Variants in FOXC1 observed in about 807,000 individuals in gnomAD.
The protein encoded by FOXC1 is forkhead box C1.
A neutral mutation model predicts 8.1 loss-of-function variants in FOXC1; 5 were observed. The observed-to-expected ratio is 0.62, with a 90% CI of 0.32 to 1.30. FOXC1 has a LOEUF of 1.30. Ranked by LOEUF, FOXC1 falls within the 50% of genes most tolerant of loss-of-function variation. FOXC1 has a pLI of 0.05. For synonymous variants in FOXC1, 552 were observed against 417.2 expected (o/e 1.32, Z -3.94); for missense variants, 942 against 858.0 (o/e 1.10, Z -1.22).
chr6:1,611,814 C>T lies in FOXC1; in HGVS notation c.1369C>T (p.Gln457Ter). ...CGGCGGCGGCGGCGGCGGGGGAGGC[C>T]AGGAGGCCGGCCACCACCCTGCGGC... The part of the protein sequence containing the change: ...GGGGGGGGGG[Q>*]EAGHHPAAHQ... Residue 457 changes from glutamine to a stop codon, truncating the protein, a stop_gained, in exon 1 of 1, where the codon CAG (glutamine) becomes TAG (stop). Coordinates refer to ENST00000645831, the MANE Select transcript of FOXC1 (RefSeq NM_001453.3). LOFTEE classifies it high-confidence loss of function. This position sits in a 1 kb window ranked among gnomAD's most constrained non-coding sequence, Gnocchi z 7.1. 1 of 1,489,428 alleles carries T rather than the reference C, an allele frequency of 6.7e-7. No homozygotes were observed. Among genetic ancestry groups the T allele is most frequent in the Non-Finnish European group, 8.9e-7 (1 of 1,124,178 alleles). The allele number at this position is 1,489,428 out of a possible 1,614,324, so 92.3% of individuals were successfully genotyped here. A position where few individuals can be genotyped will look rare whatever the true frequency, so the allele number is the denominator to read the frequency against.
Position 1,610,780 on chromosome 6 carries a change from T to A in FOXC1, c.335T>A (p.Phe112Tyr), listed in dbSNP as rs104893951. 26 of 1,613,666 alleles carry A rather than the reference T, an allele frequency of 1.6e-5. No homozygotes were observed. Among genetic ancestry groups the A allele is most frequent in the Non-Finnish European group, 2.1e-5 (25 of 1,179,950 alleles). The change falls in exon 1 of 1, where the codon TTC becomes TAC. Residue 112 changes from phenylalanine (F) to tyrosine (Y), a missense_variant. Transcript: ENST00000645831. ...NGIYQFIMDR[F>Y]PFYRDNKQGW... ...ATCTACCAGTTCATCATGGACCGCT[T>A]CCCCTTCTACCGGGACAACAAGCAG...
Position 1,610,491 on chromosome 6 carries a change from G to A in FOXC1, c.46G>A (p.Val16Met), listed in dbSNP as rs1453535353. 1.3e-6 allele frequency: 2 copies of A among 1,499,970 alleles called. No individual in the cohort carries two copies. Among genetic ancestry groups the A allele is most frequent in the Non-Finnish European group, 1.8e-6 (2 of 1,126,088 alleles). 92.9% of individuals were successfully genotyped at this position (1,499,970 alleles called of 1,614,324 possible). A position where few individuals can be genotyped will look rare whatever the true frequency, so the allele number is the denominator to read the frequency against. The change falls in exon 1 of 1, where the codon GTG becomes ATG. Residue 16 changes from valine to methionine, a missense_variant. By Grantham distance (21) the Val-to-Met change is conservative (BLOSUM62 1). Transcript: ENST00000645831. ...SVSSPNSLGV[V>M]PYLGGEQSYY... The stretch of plus-strand genomic sequence containing the variant: ...GTCCAGCCCCAACTCCCTGGGAGTG[G>A]TGCCCTACCTCGGCGGCGAGCAGAG...
chr6:1,611,894 C>T lies in FOXC1; in HGVS notation c.1449C>T (p.Gly483=), dbSNP rs1386645485. 3.2e-6 allele frequency: 5 copies of T among 1,539,276 alleles called. No individual in the cohort carries two copies. The African/African-American group carries it at 5.7e-5, about 18-fold the overall frequency. ...WYLNQAGGDL[G]HLASAAAAAA... ...TGAACCAGGCGGGCGGAGACCTGGG[C>T]CACTTGGCGAGCGCGGCGGCGGCGG... is the stretch of plus-strand genomic sequence containing the variant. Residue 483 remains glycine (G), a synonymous_variant, in exon 1 of 1, where the codon GGC becomes GGT. Transcript: ENST00000645831. The surrounding 1 kb of genome is among the most constrained non-coding windows in gnomAD (Gnocchi z 7.1).
chr6:1,611,335 C>T lies in FOXC1; in HGVS notation c.890C>T (p.Pro297Leu). 3.5e-6 allele frequency: 5 copies of T among 1,420,600 alleles called. No individual in the cohort carries two copies. The highest frequency in any genetic ancestry group is 1.4e-5 in the South Asian group (1 of 73,370). 88.0% of individuals were successfully genotyped at this position (1,420,600 alleles called of 1,614,324 possible). A position where few individuals can be genotyped will look rare whatever the true frequency, so the allele number is the denominator to read the frequency against. Residue 297 changes from proline to leucine, a missense_variant, in exon 1 of 1, where the codon CCC (proline) becomes CTC (leucine). By Grantham distance (98) the Pro-to-Leu change is moderately conservative. Transcript: ENST00000645831. The surrounding 1 kb of genome is among the most constrained non-coding windows in gnomAD (Gnocchi z 7.1). ...GATTCCGCGCCGCCGCCGCCCGCGC[C>T]CTCCGCCCCGCCGCCGCACCATAGC... ...GADSAPPPPA[P>L]SAPPPHHSQG...
At position 1,612,070 on chromosome 6, in the gene FOXC1, C is replaced by T. The variant is rs758671097; in HGVS notation, c.1625C>T (p.Thr542Met). 4 of 1,614,032 alleles carry T rather than the reference C, an allele frequency of 2.5e-6. No individual in the cohort carries two copies. The highest frequency in any genetic ancestry group is 2.2e-5 in the East Asian group (1 of 44,890). The change falls in exon 1 of 1, where the codon ACG becomes ATG. Residue 542 changes from threonine (T) to methionine (M), a missense_variant. Thr to Met is a moderately conservative substitution (Grantham distance 81). Coordinates refer to ENST00000645831, the MANE Select transcript of FOXC1 (RefSeq NM_001453.3). ...AFPSSQSLYR[T>M]SGAFVYDCSK... Reference sequence around the variant, plus strand: ...CCTTCCAGCCAGTCTCTGTACCGCACGTCCGGAGCTTTCGTCTACGACTGT... The same window carrying T: ...CCTTCCAGCCAGTCTCTGTACCGCATGTCCGGAGCTTTCGTCTACGACTGT...
Position 1,611,379 on chromosome 6 carries a change from A to G in FOXC1, c.934A>G (p.Asn312Asp), listed in dbSNP as rs1390518994. Residue 312 changes from asparagine to aspartate, a missense_variant, in exon 1 of 1, where the codon AAC (asparagine) becomes GAC (aspartate). By Grantham distance (23) the Asn-to-Asp change is conservative. This residue lies in a region of FOXC1 where 726 missense variants were observed against 599.6 expected (regional missense o/e 1.21). Transcript: ENST00000645831. The surrounding 1 kb of genome is among the most constrained non-coding windows in gnomAD (Gnocchi z 7.1). ...PHHSQGFSVD[N>D]IMTSLRGSPQ... ...CCATAGCCAGGGCTTCAGCGTGGAC[A>G]ACATCATGACGTCGCTGCGGGGGTC... is the stretch of plus-strand genomic sequence containing the variant. The G allele has an allele frequency of 1.4e-6, 2 of 1,448,756 alleles. No individual in the cohort carries two copies. 89.7% of individuals were successfully genotyped at this position (1,448,756 alleles called of 1,614,324 possible). A position where few individuals can be genotyped will look rare whatever the true frequency, so the allele number is the denominator to read the frequency against.
Position 1,611,420 on chromosome 6 carries a change from C to T in FOXC1, c.975C>T (p.Ala325=). The T allele has an allele frequency of 6.9e-7, 1 of 1,444,286 alleles. No individual in the cohort carries two copies. Among genetic ancestry groups the T allele is most frequent in the Non-Finnish European group, 9.1e-7 (1 of 1,100,264 alleles). The allele number at this position is 1,444,286 out of a possible 1,614,324, so 89.5% of individuals were successfully genotyped here. A position where few individuals can be genotyped will look rare whatever the true frequency, so the allele number is the denominator to read the frequency against. ...TGCGGGGGTCGCCGCAGAGCGCGGC[C>T]GCGGAGCTCAGCTCCGGCCTTCTGG... ...TSLRGSPQSA[A]AELSSGLLAS... The change falls in exon 1 of 1, where the codon GCC becomes GCT. Residue 325 remains alanine (A), a synonymous_variant. Transcript: ENST00000645831. This position sits in a 1 kb window ranked among gnomAD's most constrained non-coding sequence, Gnocchi z 7.1.
chr6:1,610,704 A>G lies in FOXC1; in HGVS notation c.259A>G (p.Ile87Val). Reference protein sequence around the residue: ...VKPPYSYIALITMAIQNAPDK... With the variant: ...VKPPYSYIALVTMAIQNAPDK... ...GCCGCCCTATAGCTACATCGCGCTC[A>G]TCACCATGGCCATCCAGAACGCCCC... Residue 87 changes from isoleucine to valine, a missense_variant, in exon 1 of 1, where the codon ATC (isoleucine) becomes GTC (valine). Transcript: ENST00000645831. 6.2e-7 allele frequency: 1 copy of G among 1,613,880 alleles called. No homozygotes were observed. Among genetic ancestry groups the G allele is most frequent in the Non-Finnish European group, 8.5e-7 (1 of 1,179,982 alleles).
chr6:1,610,526 C>G lies in FOXC1; in HGVS notation c.81C>G (p.Arg27=). 1 of 1,527,408 alleles carries G rather than the reference C, an allele frequency of 6.5e-7. No homozygotes were observed. The allele number at this position is 1,527,408 out of a possible 1,614,324, so 94.6% of individuals were successfully genotyped here. The change falls in exon 1 of 1, where the codon CGC becomes CGG. Residue 27 remains arginine (R), a synonymous_variant. Transcript: ENST00000645831. ...PYLGGEQSYY[R]AAAAAAGGGY... ...TCGGCGGCGAGCAGAGCTACTACCG[C>G]GCGGCGGCCGCGGCGGCCGGGGGCG...
In FOXC1 at chr6:1,612,114, C is replaced by A. The variant is rs1309394453; in HGVS notation, c.*7C>A. The A allele has an allele frequency of 6.2e-7, 1 of 1,613,964 alleles. No homozygotes were observed. Among genetic ancestry groups the A allele is most frequent in the Non-Finnish European group, 8.5e-7 (1 of 1,180,022 alleles). On this transcript the variant is annotated 3_prime_UTR_variant, in exon 1 of 1. Coordinates refer to ENST00000645831, the MANE Select transcript of FOXC1 (RefSeq NM_001453.3). ...CGACTGTAGCAAGTTTTGACACACC[C>A]TCAAAGCCGAACTAAATCGAACCCC...
chr6:1,611,145 C>T lies in FOXC1; in HGVS notation c.700C>T (p.Pro234Ser), dbSNP rs1762534462. The T allele has an allele frequency of 2.1e-6, 3 of 1,440,028 alleles. No individual in the cohort carries two copies. Among genetic ancestry groups the T allele is most frequent in the African/African-American group, 3.0e-5 (2 of 66,984 alleles). 89.2% of individuals were successfully genotyped at this position (1,440,028 alleles called of 1,614,324 possible). Residue 234 changes from proline to serine, a missense_variant, in exon 1 of 1, where the codon CCC becomes TCC. This residue lies in a region of FOXC1 where 726 missense variants were observed against 599.6 expected (regional missense o/e 1.21). Coordinates refer to ENST00000645831, the MANE Select transcript of FOXC1 (RefSeq NM_001453.3). The surrounding 1 kb of genome is among the most constrained non-coding windows in gnomAD (Gnocchi z 7.1). ...CATCAAGACCGAGAACGGTACGTGC[C>T]CCTCGCCGCCCCAGCCCCTGTCCCC... ...QDIKTENGTC[P>S]SPPQPLSPAA...
In FOXC1 at chr6:1,611,584, G is replaced by GCGCGGGGGC. The variant is rs975290027; in HGVS notation, c.1148_1156dup (p.Ala383_Gly385dup). ...GGCAGCTCGGGCGGCGGCGGCGGCG[G>GCGCGGGGGC]CGCGGGGGCCGCGGGGGGCGCGGGC... On this transcript the variant is annotated inframe_insertion, in exon 1 of 1. Transcript: ENST00000645831. The surrounding 1 kb of genome is among the most constrained non-coding windows in gnomAD (Gnocchi z 7.1). 4 of 1,164,178 alleles carry GCGCGGGGGC rather than the reference G, an allele frequency of 3.4e-6. No individual in the cohort carries two copies. The highest frequency in any genetic ancestry group is 4.8e-5 in the Admixed American group (1 of 20,994). The allele number at this position is 1,164,178 out of a possible 1,614,324, so 72.1% of individuals were successfully genotyped here.
chr6:1,612,157 A>AGAAACTTACGTGTTATCT lies in FOXC1; in HGVS notation c.*51_*52insAAACTTACGTGTTATCTG. 1 of 1,613,492 alleles carries AGAAACTTACGTGTTATCT rather than the reference A, an allele frequency of 6.2e-7. No homozygotes were observed. ...CGAACCCCAAAGCAGGAAAAGCTAA[A>AGAAACTTACGTGTTATCT]GGAACCCATCAAGGCAAAATCGAAA... On this transcript the variant is annotated 3_prime_UTR_variant, in exon 1 of 1. Transcript: ENST00000645831.
chr6:1,612,450 C>T lies in FOXC1; in HGVS notation c.*343C>T. The T allele has an allele frequency of 2.2e-6, 1 of 453,710 alleles. No individual in the cohort carries two copies. The highest frequency in any genetic ancestry group is 6.2e-4 in the Middle Eastern group (1 of 1,604). 28.1% of individuals were successfully genotyped at this position (453,710 alleles called of 1,614,324 possible). On this transcript the variant is annotated 3_prime_UTR_variant, in exon 1 of 1. Coordinates refer to ENST00000645831, the MANE Select transcript of FOXC1 (RefSeq NM_001453.3). ...AAGTTTCTTCTTGCTTTTCAGAGAC[C>T]TGCTTTCCCCTCCTCCCGTCTCCCC...
At position 1,611,312 on chromosome 6, in the gene FOXC1, T is replaced by TTCCGCGCCGCCGCCGCCCGCGCCC; in HGVS notation, c.873_896dup (p.Pro295_Pro302dup). ...GGCCGCTCAGCCTGGACGGTGCGGA[T>TTCCGCGCCGCCGCCGCCCGCGCCC]TCCGCGCCGCCGCCGCCCGCGCCCT... On this transcript the variant is annotated inframe_insertion, in exon 1 of 1. Coordinates refer to ENST00000645831, the MANE Select transcript of FOXC1 (RefSeq NM_001453.3). This position sits in a 1 kb window ranked among gnomAD's most constrained non-coding sequence, Gnocchi z 7.1. 3 of 1,395,356 alleles carry TTCCGCGCCGCCGCCGCCCGCGCCC rather than the reference T, an allele frequency of 2.1e-6. No homozygotes were observed. The highest frequency in any genetic ancestry group is 2.8e-6 in the Non-Finnish European group (3 of 1,073,608). The allele number at this position is 1,395,356 out of a possible 1,614,324, so 86.4% of individuals were successfully genotyped here. A position where few individuals can be genotyped will look rare whatever the true frequency, so the allele number is the denominator to read the frequency against.
chr6:1,613,731 G>A lies in FOXC1; in HGVS notation c.*1624G>A, dbSNP rs566940366. 4.4e-6 allele frequency: 1 copy of A among 225,624 alleles called. No individual in the cohort carries two copies. Among genetic ancestry groups the A allele is most frequent in the Non-Finnish European group, 9.6e-6 (1 of 104,318 alleles). The allele number at this position is 225,624 out of a possible 1,614,324, so 14.0% of individuals were successfully genotyped here. A position where few individuals can be genotyped will look rare whatever the true frequency, so the allele number is the denominator to read the frequency against. ...ATGGCGATTTGATTACAGACGTTCG[G>A]GGGGGTGGGGGGCTTGCAGTTTGTT... On this transcript the variant is annotated 3_prime_UTR_variant, in exon 1 of 1. Coordinates refer to ENST00000645831, the MANE Select transcript of FOXC1 (RefSeq NM_001453.3).
chr6:1,611,243 C>T lies in FOXC1; in HGVS notation c.798C>T (p.Ser266=), dbSNP rs1211344180. ...KIESPDSSSS[S]LSSGSSPPGS... ...AGAGCCCCGACAGCAGCAGCAGCAG[C>T]CTGTCCAGCGGGAGCAGCCCCCCGG... Residue 266 remains serine, a synonymous_variant, in exon 1 of 1, where the codon AGC becomes AGT. Transcript: ENST00000645831. This position sits in a 1 kb window ranked among gnomAD's most constrained non-coding sequence, Gnocchi z 7.1. 3 of 1,441,544 alleles carry T rather than the reference C, an allele frequency of 2.1e-6. No homozygotes were observed. Among genetic ancestry groups the T allele is most frequent in the South Asian group, 1.3e-5 (1 of 76,404 alleles). 89.3% of individuals were successfully genotyped at this position (1,441,544 alleles called of 1,614,324 possible). A position where few individuals can be genotyped will look rare whatever the true frequency, so the allele number is the denominator to read the frequency against.
chr6:1,611,841 C>T lies in FOXC1; in HGVS notation c.1396C>T (p.His466Tyr). 1 of 1,534,508 alleles carries T rather than the reference C, an allele frequency of 6.5e-7. No homozygotes were observed. The highest frequency in any genetic ancestry group is 8.8e-7 in the Non-Finnish European group (1 of 1,140,492). ...GQEAGHHPAA[H>Y]QGRLTSWYLN... The stretch of plus-strand genomic sequence containing the variant: ...GGAGGCCGGCCACCACCCTGCGGCC[C>T]ACCAAGGCCGCCTCACCTCGTGGTA... Residue 466 changes from histidine (H) to tyrosine (Y), a missense_variant, in exon 1 of 1, where the codon CAC (histidine) becomes TAC (tyrosine). This residue lies in a region of FOXC1 where 726 missense variants were observed against 599.6 expected (regional missense o/e 1.21). Transcript: ENST00000645831. This position sits in a 1 kb window ranked among gnomAD's most constrained non-coding sequence, Gnocchi z 7.1.
In FOXC1 at chr6:1,612,029, C is replaced by G. The variant is rs1365241896; in HGVS notation, c.1584C>G (p.Ser528Arg). ...LNNSPVNGNS[S>R]CQMAFPSSQS... Reference sequence around the variant, plus strand: ...ACTCTCCAGTGAACGGGAATAGTAGCTGTCAAATGGCCTTCCCTTCCAGCC... The same window carrying G: ...ACTCTCCAGTGAACGGGAATAGTAGGTGTCAAATGGCCTTCCCTTCCAGCC... The change falls in exon 1 of 1, where the codon AGC becomes AGG. Residue 528 changes from serine to arginine, a missense_variant. Ser to Arg is a moderately radical substitution (Grantham distance 110). Around this residue, in one of 4 missense-constraint regions of FOXC1, gnomAD observed 726 missense variants for 599.6 expected, o/e 1.21. Coordinates refer to ENST00000645831, the MANE Select transcript of FOXC1 (RefSeq NM_001453.3). 3.7e-6 allele frequency: 6 copies of G among 1,613,506 alleles called. No individual in the cohort carries two copies. The highest frequency in any genetic ancestry group is 5.1e-6 in the Non-Finnish European group (6 of 1,180,020).
Sources: gnomAD v4.1 joint callset for allele counts on GRCh38, gnomAD v4.1.1 for gene constraint, gnomAD v4.1.1 regional missense constraint, Gnocchi (gnomAD v3.1) non-coding constraint, MANE v1.5 for transcripts, NCBI Gene and HGNC (gene_info 2026-07-23, HGNC 2026-07-21) for gene names.